STOX1: variants seen among roughly 807,000 people sequenced by gnomAD.
STOX1 encodes the protein storkhead-box protein 1.
Under a neutral mutation model 74.8 loss-of-function variants are expected in STOX1, and 57 were observed. The ratio of observed to expected loss-of-function variants is 0.76; its 90% CI spans 0.62 to 0.95. The LOEUF is 0.95. Among genes scored for constraint, STOX1 ranks in the 40% least tolerant of loss-of-function variants. The probability of loss-of-function intolerance (pLI) is 0.00; values close to 1 mark genes in which losing one functional copy is unlikely to be tolerated. For missense variants in STOX1, 1,010 were observed against 1,117.0 expected, an observed-to-expected ratio of 0.90 and a Z score of 1.37; for synonymous variants, 375 against 401.3, an observed-to-expected ratio of 0.93 and a Z score of 0.78.
chr10:68,848,823 C>T (rs796839652), intron 1 of STOX1, among the ~76,000 whole-genome samples: 2 of 152,148 alleles, frequency 1.3e-5, no homozygotes, highest in Admixed American at 6.5e-5. Context: ...TGCTACCATG[C>T]CTGGCTAATT....
chr10:68,863,755 T>C (rs1840327023), intron 1 of STOX1, among the ~76,000 whole-genome samples: 1 of 152,112 alleles, frequency 6.6e-6, no homozygotes, highest in Admixed American at 6.5e-5. Flanking sequence ...CTGAGCATTT[T>C]CAACTGTGTA....
chr10:68,838,057 T>C (rs2133499043), intron 1 of STOX1, among the ~76,000 whole-genome samples: 1 of 151,964 alleles, frequency 6.6e-6, no homozygotes, highest in Middle Eastern at 3.4e-3. Flanking sequence ...TCATTTCGTT[T>C]CTTTTTTTTT....
downstream of STOX1, chr10:68,895,241 G>A (rs747047456): frequency 6.6e-6 from 1 of 152,048 alleles, no homozygotes; most frequent in Non-Finnish European, 1.5e-5. Context: ...TGTTTTTTTA[G>A]GAGATGGGGT....
intron 1 of STOX1, among the ~76,000 whole-genome samples, chr10:68,852,416 A>G (rs1840011715): frequency 1.3e-5 from 2 of 150,180 alleles, no homozygotes; most frequent in Admixed American, 1.3e-4. Context: ...CCGCCACCGC[A>G]CCCGGCTAAT....
intron 3 of STOX1, among the ~76,000 whole-genome samples, 156 bp from the exon 4 acceptor site, chr10:68,892,433 G>A (rs1197870561): frequency 6.6e-6 from 1 of 151,956 alleles, no homozygotes; most frequent in African/African-American, 2.4e-5. Flanking sequence ...AAAATGTAAA[G>A]AGCACTTCGG....
At position 68,859,615 on chromosome 10, in the gene STOX1, T is replaced by A. The variant is rs571224274; in HGVS notation, c.311-22343T>A. Among the ~76,000 whole-genome samples, 53 of 152,212 alleles carry A rather than the reference T, an allele frequency of 3.5e-4. 1 individual carries two copies. The highest frequency in any genetic ancestry group is 1.3e-3 in the African/African-American group (52 of 41,486). On this transcript the variant is annotated intron_variant, in intron 1 of 3. Coordinates refer to ENST00000298596, the MANE Select transcript of STOX1 (RefSeq NM_152709.5). ...AATCAAGCCCTTAGCAAGACAAATG[T>A]TTTGCTCACAGCAGAAAAAATGAGG... is the stretch of plus-strand genomic sequence containing the variant.
intron 2 of STOX1, among the ~76,000 whole-genome samples, chr10:68,883,934 GC>G (rs1840872128): frequency 6.6e-6 from 1 of 151,582 alleles, no homozygotes; most frequent in Non-Finnish European, 1.5e-5. Context: ...ATGTTGCCTA[GC>G]CTGGTCTTGA....
chr10:68,887,786 GGTTTT>G (rs1294736326), intron 3 of STOX1, among the ~76,000 whole-genome samples: 2 of 151,094 alleles, frequency 1.3e-5, no homozygotes, highest in Non-Finnish European at 2.9e-5. Flanking sequence ...GTAGAGACGG[GGTTTT>G]GCCATGTTGG....
At position 68,861,736 on chromosome 10, in the gene STOX1, A is replaced by G. The variant is rs754178706; in HGVS notation, c.311-20222A>G. Among the ~76,000 whole-genome samples the G allele has an allele frequency of 4.2e-4, 64 of 152,128 alleles. 1 individual carries two copies. The highest frequency in any genetic ancestry group is 7.2e-4 in the Non-Finnish European group (49 of 68,040). On this transcript the variant is annotated intron_variant, in intron 1 of 3. Transcript: ENST00000298596. ...TGTTTTTATCCATTTGGAAGGATTT[A>G]TGGCTGCCCATCTTTCTGCAGCTCC...
chr10:68,870,276 T>TG (rs1840506438), intron 1 of STOX1, among the ~76,000 whole-genome samples: 1 of 152,226 alleles, frequency 6.6e-6, no homozygotes, highest in Admixed American at 6.5e-5. Flanking sequence ...ATTGCCTTTG[T>TG]GGCCTCCAGA....
chr10:68,886,498 T>C lies in STOX1; in HGVS notation c.2702T>C (p.Phe901Ser). Residue 901 changes from phenylalanine to serine, a missense_variant, in exon 3 of 4, where the codon TTC becomes TCC. Coordinates refer to ENST00000298596, the MANE Select transcript of STOX1 (RefSeq NM_152709.5). ...ATGAGAAAACATTTCCCACAAAAGT[T>C]CCAACTTTTCAACACTTCACATATG... Reference protein sequence around the residue: ...QEMRKHFPQKFQLFNTSHMPV... With the variant: ...QEMRKHFPQKSQLFNTSHMPV... The C allele has an allele frequency of 6.2e-7, 1 of 1,613,962 alleles. No homozygotes were observed. The highest frequency in any genetic ancestry group is 1.1e-5 in the South Asian group (1 of 91,052).
intron 1 of STOX1, among the ~76,000 whole-genome samples, chr10:68,881,588 C>G (rs1840813932): frequency 6.6e-6 from 1 of 152,158 alleles, no homozygotes; most frequent in South Asian, 2.1e-4. Context: ...CTGCCTTTCT[C>G]AAGATAGCTA....
Position 68,886,369 on chromosome 10 carries a change from A to G in STOX1, c.2573A>G (p.Tyr858Cys), listed in dbSNP as rs776908592. 3.7e-6 allele frequency: 6 copies of G among 1,614,122 alleles called. No individual in the cohort carries two copies. Among genetic ancestry groups the G allele is most frequent in the South Asian group, 2.2e-5 (2 of 91,090 alleles). ...GCTGATGAAAGAATCTTTGATTACT[A>G]TAGCGCAAGAAAAGCCAGTTTTGAA... ...APADERIFDY[Y>C]SARKASFEAE... The change falls in exon 3 of 4, where the codon TAT (tyrosine) becomes TGT (cysteine). Residue 858 changes from tyrosine (Y) to cysteine (C), a missense_variant. Transcript: ENST00000298596.
chr10:68,833,483 C>T (rs1249011618), intron 1 of STOX1, among the ~76,000 whole-genome samples: 2 of 152,130 alleles, frequency 1.3e-5, no homozygotes, highest in African/African-American at 2.4e-5. Context: ...TGAGCAATTC[C>T]TGTCCCTTTT....
chr10:68,856,168 G>T (rs1487859257), intron 1 of STOX1, among the ~76,000 whole-genome samples: 1 of 151,890 alleles, frequency 6.6e-6, no homozygotes, highest in Non-Finnish European at 1.5e-5. Context: ...CTAAAGACGG[G>T]TCACGTGCTG....
chr10:68,863,483 A>G (rs543862127), intron 1 of STOX1, among the ~76,000 whole-genome samples: 1 of 152,274 alleles, frequency 6.6e-6, no homozygotes, highest in East Asian at 1.9e-4. Context: ...ATCACTGGAT[A>G]ATAGCTTTAG....
chr10:68,867,532 A>T (rs1423788212), intron 1 of STOX1, among the ~76,000 whole-genome samples: 1 of 152,216 alleles, frequency 6.6e-6, no homozygotes, highest in African/African-American at 2.4e-5. Context: ...GAAAAGAAAG[A>T]TCCAGAGGGT....
chr10:68,830,816 G>A (rs1292577972), intron 1 of STOX1, among the ~76,000 whole-genome samples: 1 of 152,126 alleles, frequency 6.6e-6, no homozygotes, highest in Non-Finnish European at 1.5e-5. Context: ...CTTATTTGAT[G>A]CTGAGTGATG....
At chr10:68,890,588 C>T (rs1310981759) in intron 3 of STOX1, among the ~76,000 whole-genome samples, 1 of 151,684 alleles carries the variant, frequency 6.6e-6, no homozygotes, top group Admixed American at 6.6e-5. Flanking sequence ...AGGATATATT[C>T]CTAGAAATCT....
Sources: gnomAD v4.1 joint callset for allele counts (sites outside exome capture counted in the v4.1 genomes callset) on GRCh38, gnomAD v4.1.1 for gene constraint, MANE v1.5 for transcripts, NCBI Gene and HGNC (gene_info 2026-07-23, HGNC 2026-07-21) for gene names.